ANKS1B: variants seen among roughly 807,000 people sequenced by gnomAD.
The protein encoded by ANKS1B is ankyrin repeat and sterile alpha motif domain containing 1B, also known as ankyrin repeat and sterile alpha motif domain-containing protein 1B.
In ANKS1B, 36 loss-of-function variants were observed where a neutral mutation model predicts 148.3. That is an observed-to-expected ratio of 0.24 (90% confidence interval 0.19 to 0.32). The LOEUF is 0.32. Among genes scored for constraint, ANKS1B ranks in the 10% least tolerant of loss-of-function variants. The pLI is 1.00. For synonymous variants in ANKS1B, 542 were observed against 560.8 expected (o/e 0.97, Z 0.47); for missense variants, 1,157 against 1,542.6 (o/e 0.75, Z 4.19).
At chr12:99,977,344 C>G (rs1279797287) in intron 1 of ANKS1B, among the ~76,000 whole-genome samples, 1 of 152,086 alleles carries the variant, frequency 6.6e-6, no homozygotes, top group African/African-American at 2.4e-5. Context: ...GAGACAGGGT[C>G]TCACTATGTT....
intron 10 of ANKS1B, among the ~76,000 whole-genome samples, chr12:99,444,336 T>C (rs116317408): frequency 0.013 from 1,988 of 152,004 alleles, 34 homozygotes; most frequent in African/African-American, 0.041. Context: ...AAAACTGAAA[T>C]TTGTGCAAAA....
chr12:98,955,272 G>C (rs935884309), intron 17 of ANKS1B, among the ~76,000 whole-genome samples: 4 of 152,158 alleles, frequency 2.6e-5, no homozygotes, highest in African/African-American at 9.7e-5. Flanking sequence ...TTTAAGAAAA[G>C]ACTTGAAGGA....
At chr12:98,911,633 A>G (rs1040692627) in intron 17 of ANKS1B, among the ~76,000 whole-genome samples, 1 of 152,146 alleles carries the variant, frequency 6.6e-6, no homozygotes, top group African/African-American at 2.4e-5. Context: ...AATTCTCCAT[A>G]ACGCTTCCTA....
intron 1 of ANKS1B, among the ~76,000 whole-genome samples, chr12:99,951,290 A>G (rs1428057914): frequency 6.6e-6 from 1 of 152,162 alleles, no homozygotes; most frequent in Non-Finnish European, 1.5e-5. Context: ...TTCAGTCTAG[A>G]GACTTACATC....
intron 14 of ANKS1B, among the ~76,000 whole-genome samples, chr12:99,222,867 T>C (rs2085336497): frequency 6.6e-6 from 1 of 152,310 alleles, no homozygotes; most frequent in East Asian, 1.9e-4. Flanking sequence ...TCTGCAGCAC[T>C]TACTCTTGGG....
At chr12:99,186,321 C>A (rs2079849470) in intron 14 of ANKS1B, among the ~76,000 whole-genome samples, 1 of 152,218 alleles carries the variant, frequency 6.6e-6, no homozygotes, top group South Asian at 2.1e-4. Context: ...CTTCAGCAGA[C>A]ATAAATGTTC....
At chr12:99,473,630 A>G (rs1272373655) in intron 10 of ANKS1B, among the ~76,000 whole-genome samples, 1 of 152,074 alleles carries the variant, frequency 6.6e-6, no homozygotes, top group Non-Finnish European at 1.5e-5. Context: ...TCTTTCTAGT[A>G]GATGGAAATA....
chr12:98,806,866 G>T (rs1170268862), intron 20 of ANKS1B, among the ~76,000 whole-genome samples: 1 of 152,196 alleles, frequency 6.6e-6, no homozygotes, highest in Non-Finnish European at 1.5e-5. Flanking sequence ...GAACTGCTGG[G>T]TCACGTGAAC....
chr12:99,655,830 T>G (rs1406467386), intron 8 of ANKS1B, among the ~76,000 whole-genome samples: 3 of 152,120 alleles, frequency 2.0e-5, no homozygotes, highest in African/African-American at 7.2e-5. Flanking sequence ...CAGACAATAT[T>G]AAGAAAACTT....
At chr12:99,420,956 T>A (rs1256175588) in intron 11 of ANKS1B, among the ~76,000 whole-genome samples, 2 of 152,148 alleles carry the variant, frequency 1.3e-5, no homozygotes, top group African/African-American at 2.4e-5. Context: ...CAAAATAGGA[T>A]TTGCAGCAAA....
chr12:99,089,467 G>A (rs1419454465), intron 15 of ANKS1B, among the ~76,000 whole-genome samples: 4 of 152,144 alleles, frequency 2.6e-5, no homozygotes, highest in Non-Finnish European at 5.9e-5. Flanking sequence ...GTAGGTGATG[G>A]CCACCATATT....
intron 1 of ANKS1B, among the ~76,000 whole-genome samples, chr12:99,956,215 T>A (rs1339523816): frequency 6.6e-6 from 1 of 150,638 alleles, no homozygotes; most frequent in African/African-American, 2.4e-5. Context: ...GAGGCAGAGG[T>A]TGCAGTGAGC....
At chr12:99,128,895 C>T (rs1024658457) in intron 15 of ANKS1B, among the ~76,000 whole-genome samples, 1 of 152,184 alleles carries the variant, frequency 6.6e-6, no homozygotes, top group Non-Finnish European at 1.5e-5. Context: ...AAAGACAGAA[C>T]ATCCTGGAGA....
intron 15 of ANKS1B, among the ~76,000 whole-genome samples, chr12:99,115,042 A>G (rs1323704322): frequency 2.0e-5 from 3 of 152,228 alleles, no homozygotes; most frequent in East Asian, 3.9e-4. Flanking sequence ...AATTTGTTCA[A>G]CCATTGTGGA....
chr12:99,230,320 A>C (rs139752356), intron 14 of ANKS1B, among the ~76,000 whole-genome samples: 460 of 152,244 alleles, frequency 3.0e-3, no homozygotes, highest in Non-Finnish European at 5.2e-3. Flanking sequence ...TGAGCTTATC[A>C]TCATGGGAAG....
chr12:99,240,331 G>A (rs2089023461), intron 14 of ANKS1B, among the ~76,000 whole-genome samples: 1 of 151,508 alleles, frequency 6.6e-6, no homozygotes, highest in Non-Finnish European at 1.5e-5. Context: ...ACTATATAAT[G>A]GTAAACGGAT....
chr12:99,379,746 G>A (rs2152502945), intron 12 of ANKS1B, among the ~76,000 whole-genome samples: 1 of 152,314 alleles, frequency 6.6e-6, no homozygotes, highest in Non-Finnish European at 1.5e-5. Context: ...GTGAATCCTA[G>A]TGTCTACTTA....
intron 12 of ANKS1B, among the ~76,000 whole-genome samples, chr12:99,327,618 G>A (rs1236440342): frequency 1.3e-5 from 2 of 148,466 alleles, no homozygotes; most frequent in Non-Finnish European, 3.0e-5. Flanking sequence ...TGTTAGGGAG[G>A]TATATGTATC....
At position 99,154,872 on chromosome 12, in the gene ANKS1B, C is replaced by G. The variant is rs1172397467; in HGVS notation, c.2420-477G>C. The G allele has an allele frequency of 2.6e-6, 4 of 1,534,446 alleles. No individual in the cohort carries two copies. The East Asian group carries it at 9.8e-5, about 37-fold the overall frequency. ...GCTCGCTCCCCTTCATTACCCAGCC[C>G]AGGCTACACCTCGCATTTTCAATAA... On this transcript the variant is annotated intron_variant, in intron 14 of 26. Coordinates refer to ENST00000683438, the MANE Select transcript of ANKS1B (RefSeq NM_001352186.2).
Sources: allele counts gnomAD v4.1 joint callset (sites outside exome capture counted in the v4.1 genomes callset), GRCh38; gene constraint gnomAD v4.1.1; transcripts MANE v1.5; gene names NCBI Gene and HGNC (gene_info 2026-07-23, HGNC 2026-07-21).